The following TACR3 variants were observed in gnomAD, a reference collection of about 807,000 sequenced individuals.
TACR3 encodes the protein tachykinin receptor 3.
A neutral mutation model predicts 35.0 loss-of-function variants in TACR3; 34 were observed. The observed-to-expected ratio is 0.97, with a 90% CI of 0.74 to 1.30. The LOEUF (loss-of-function observed/expected upper bound fraction) is 1.30, where lower values mean the gene tolerates loss of function less well. Among genes scored for constraint, TACR3 ranks in the 50% most tolerant of loss-of-function variants. TACR3 has a pLI of 0.00. For missense variants in TACR3, 558 were observed against 591.7 expected (o/e 0.94, Z 0.59); for synonymous variants, 233 against 221.1 (o/e 1.05, Z -0.48).
chr4:103,633,207 G>A (rs1052169931), intron 3 of TACR3, among the ~76,000 whole-genome samples: 3 of 151,840 alleles, frequency 2.0e-5, no homozygotes, highest in Non-Finnish European at 4.4e-5. Context: ...TAGTGTTGAT[G>A]ACACTACTAA....
intron 1 of TACR3, among the ~76,000 whole-genome samples, chr4:103,693,043 C>T (rs751246681): frequency 1.3e-4 from 20 of 152,198 alleles, no homozygotes; most frequent in Non-Finnish European, 2.6e-4. Flanking sequence ...AAATTCTCCA[C>T]AATACTGCCA....
chr4:103,595,291 A>G (rs777011490), intron 3 of TACR3, among the ~76,000 whole-genome samples: 1 of 152,168 alleles, frequency 6.6e-6, no homozygotes. Context: ...GGGACAGAGA[A>G]GGTTCAAATC....
chr4:103,666,914 A>G (rs970068618), intron 1 of TACR3, among the ~76,000 whole-genome samples: 1 of 152,156 alleles, frequency 6.6e-6, no homozygotes, highest in African/African-American at 2.4e-5. Context: ...AGTAACTTCA[A>G]AAGAGCTGCT....
chr4:103,701,581 C>T (rs1318766974), intron 1 of TACR3, among the ~76,000 whole-genome samples: 9 of 152,080 alleles, frequency 5.9e-5, no homozygotes, highest in African/African-American at 1.2e-4. Context: ...AAAAAGAGCC[C>T]GCATTGCCAA....
intron 3 of TACR3, among the ~76,000 whole-genome samples, chr4:103,616,964 T>A (rs4698903): frequency 0.52 from 79,310 of 151,786 alleles, 21,158 homozygotes; most frequent in Middle Eastern, 0.6. Flanking sequence ...ATATTAAATT[T>A]AAAAGAATTA....
rs890870494 is a variant in TACR3 at position 103,719,743 on chromosome 4, A to G, written c.-68T>C. 48 of 1,584,388 alleles carry G rather than the reference A, an allele frequency of 3.0e-5. No homozygotes were observed. The highest frequency in any genetic ancestry group is 1.2e-4 in the Admixed American group (7 of 58,852). ...GCAGCCCAAGACGAGACTCCTCTGAAGTTCTTCTCTGCCTCCTGGTCACTT... is the reference window on the plus strand; with the variant it reads ...GCAGCCCAAGACGAGACTCCTCTGAGGTTCTTCTCTGCCTCCTGGTCACTT... On this transcript the variant is annotated 5_prime_UTR_variant, in exon 1 of 5. Coordinates refer to ENST00000304883, the MANE Select transcript of TACR3 (RefSeq NM_001059.3).
At chr4:103,642,423 A>C (rs1725374543) in intron 3 of TACR3, among the ~76,000 whole-genome samples, 1 of 151,908 alleles carries the variant, frequency 6.6e-6, no homozygotes, top group Non-Finnish European at 1.5e-5. Context: ...AAAAGAAAAC[A>C]TCAAATACTG....
chr4:103,681,759 G>A (rs956104644), intron 1 of TACR3, among the ~76,000 whole-genome samples: 8 of 152,020 alleles, frequency 5.3e-5, no homozygotes, highest in Non-Finnish European at 1.2e-4. Context: ...CCAATGAACT[G>A]CATCTAACTG....
At chr4:103,601,169 A>G (rs892772245) in intron 3 of TACR3, among the ~76,000 whole-genome samples, 2 of 152,102 alleles carry the variant, frequency 1.3e-5, no homozygotes, top group African/African-American at 4.8e-5. Context: ...TATTTAGGAT[A>G]GTTAGCTCTT....
intron 1 of TACR3, among the ~76,000 whole-genome samples, chr4:103,664,811 CTTTG>C (rs1195769707): frequency 1.7e-4 from 26 of 151,870 alleles, no homozygotes; most frequent in Admixed American, 5.3e-4. Flanking sequence ...CTTTTCTATT[CTTTG>C]TTTGTTTGTT....
intron 1 of TACR3, among the ~76,000 whole-genome samples, chr4:103,662,668 A>G (rs1448381665): frequency 6.6e-6 from 1 of 152,220 alleles, no homozygotes; most frequent in Non-Finnish European, 1.5e-5. Context: ...CTCTAACCCA[A>G]TATGACTAGT....
chr4:103,686,192 G>T (rs895575339), intron 1 of TACR3, among the ~76,000 whole-genome samples: 5 of 152,258 alleles, frequency 3.3e-5, no homozygotes, highest in Admixed American at 1.3e-4. Flanking sequence ...GTGCCACTTA[G>T]AAAAGACAGG....
chr4:103,599,826 A>C (rs182375962), intron 3 of TACR3, among the ~76,000 whole-genome samples: 2 of 151,962 alleles, frequency 1.3e-5, no homozygotes, highest in Non-Finnish European at 2.9e-5. Flanking sequence ...TGGTGGATAA[A>C]CTTTTTGATG....
chr4:103,634,953 A>G (rs1278777388), intron 3 of TACR3, among the ~76,000 whole-genome samples: 1 of 152,064 alleles, frequency 6.6e-6, no homozygotes, highest in Non-Finnish European at 1.5e-5. Context: ...GTAAAATAAA[A>G]TAATGTGTAG....
chr4:103,626,420 A>T (rs1370116485), intron 3 of TACR3, among the ~76,000 whole-genome samples: 4 of 150,216 alleles, frequency 2.7e-5, no homozygotes, highest in African/African-American at 7.4e-5. Flanking sequence ...TATTATTGTT[A>T]TTTTTTTTTG....
At chr4:103,650,517 AATATGT>A (rs1725568077) in intron 3 of TACR3, among the ~76,000 whole-genome samples, 1 of 131,858 alleles carries the variant, frequency 7.6e-6, no homozygotes, top group Non-Finnish European at 1.6e-5. Context: ...TTTATATATA[AATATGT>A]ATTATTTATA....
At chr4:103,684,451 T>C (rs372954103) in intron 1 of TACR3, among the ~76,000 whole-genome samples, 31 of 152,104 alleles carry the variant, frequency 2.0e-4, no homozygotes, top group African/African-American at 7.5e-4. Flanking sequence ...TTTAAAAAGC[T>C]ACCACTAATA....
intron 1 of TACR3, among the ~76,000 whole-genome samples, chr4:103,716,557 T>C (rs1429862396): frequency 2.0e-5 from 3 of 152,144 alleles, no homozygotes; most frequent in Admixed American, 6.5e-5. Context: ...ATTATAACAA[T>C]TGTGTGACCA....
At position 103,689,454 on chromosome 4, in the gene TACR3, G is replaced by A. The variant is rs1439402233; in HGVS notation, c.548+29674C>T. Among the ~76,000 whole-genome samples, 3 of 151,884 alleles carry A rather than the reference G, an allele frequency of 2.0e-5. 1 individual carries two copies. The East Asian group carries it at 5.8e-4, about 29-fold the overall frequency. ...ATTAATAGTAAACCAATAATGCAATGATTCATCAAATACAGACTATCAAAG... is the reference window on the plus strand; with the variant it reads ...ATTAATAGTAAACCAATAATGCAATAATTCATCAAATACAGACTATCAAAG... On this transcript the variant is annotated intron_variant, in intron 1 of 4. Transcript: ENST00000304883.
Sources: allele counts gnomAD v4.1 joint callset (sites outside exome capture counted in the v4.1 genomes callset), GRCh38; gene constraint gnomAD v4.1.1; transcripts MANE v1.5; gene names NCBI Gene and HGNC (gene_info 2026-07-23, HGNC 2026-07-21).